ACOXL: variants seen among roughly 807,000 people sequenced by gnomAD.
ACOXL encodes acyl-coenzyme A oxidase-like protein.
A neutral mutation model predicts 71.9 loss-of-function variants in ACOXL; 70 were observed. The observed-to-expected ratio is 0.97, with a 90% CI of 0.80 to 1.19. ACOXL has a LOEUF of 1.19. Among genes scored for constraint, ACOXL ranks in the 50% most tolerant of loss-of-function variants. The pLI is 0.00. For missense variants in ACOXL, 703 were observed against 736.3 expected, an observed-to-expected ratio of 0.95 and a Z score of 0.52; for synonymous variants, 253 against 281.6, an observed-to-expected ratio of 0.90 and a Z score of 1.02.
In ACOXL at chr2:110,793,678, G is replaced by A. The variant is rs1684930514; in HGVS notation, c.188G>A (p.Gly63Asp). ...GGAATAATTTATTGGCTATTTGGTGGTGCTATCAGGAATCTCGGAAGCCCT... is the reference window on the plus strand; with the variant it reads ...GGAATAATTTATTGGCTATTTGGTGATGCTATCAGGAATCTCGGAAGCCCT... ...KCGIIYWLFG[G>D]AIRNLGSPEH... The change falls in exon 4 of 18, where the codon GGT (glycine) becomes GAT (aspartate). Residue 63 changes from glycine (G) to aspartate (D), a missense_variant. By Grantham distance (94) the Gly-to-Asp change is moderately conservative. Coordinates refer to ENST00000439055, the MANE Select transcript of ACOXL (RefSeq NM_001142807.4). 2 of 1,614,136 alleles carry A rather than the reference G, an allele frequency of 1.2e-6. No individual in the cohort carries two copies. Among genetic ancestry groups the A allele is most frequent in the Middle Eastern group, 1.6e-4 (1 of 6,062 alleles).
intron 11 of ACOXL, among the ~76,000 whole-genome samples, chr2:110,915,408 AT>A: frequency 1.6e-5 from 1 of 61,380 alleles, no homozygotes; most frequent in Non-Finnish European, 3.9e-5. Flanking sequence ...GTGTATATAC[AT>A]ATATATATAT....
In ACOXL at chr2:110,768,586, GGTTT is replaced by G. The variant is rs570212135; in HGVS notation, c.75+126_75+129del. 42 of 856,596 alleles carry G rather than the reference GGTTT, an allele frequency of 4.9e-5. No individual in the cohort carries two copies. In the East Asian group the frequency reaches 9.1e-4, roughly 19 times the overall value. 53.1% of individuals were successfully genotyped at this position (856,596 alleles called of 1,614,324 possible). ...TTTATGTTTAGAGGGTATATGTGCA[GGTTT>G]GTTACATGGGTAAATTGCGTGTTAT... is the stretch of plus-strand genomic sequence containing the variant. On this transcript the variant is annotated intron_variant, in intron 2 of 17. Coordinates refer to ENST00000439055, the MANE Select transcript of ACOXL (RefSeq NM_001142807.4).
rs538154572 is a variant in ACOXL at position 110,989,100 on chromosome 2, A to G, written c.1169+1883A>G. ...CATCTATTCTGAGGTCATGAAATCT[A>G]TATCTTTAAAACTTTGAAAGTCTCA... On this transcript the variant is annotated intron_variant, in intron 13 of 17. Transcript: ENST00000439055. Among the ~76,000 whole-genome samples the G allele has an allele frequency of 2.0e-3, 307 of 152,280 alleles. 2 individuals carry two copies. Among genetic ancestry groups the G allele is most frequent in the African/African-American group, 7.1e-3 (297 of 41,570 alleles).
At chr2:110,926,124 A>G (rs1456988574) in intron 11 of ACOXL, among the ~76,000 whole-genome samples, 2 of 152,148 alleles carry the variant, frequency 1.3e-5, no homozygotes, top group East Asian at 3.8e-4. Context: ...TTACAATAGT[A>G]ACATCAAAGA....
Position 110,794,106 on chromosome 2 carries a change from A to G in ACOXL, c.277A>G (p.Thr93Ala), listed in dbSNP as rs1264663001. The G allele has an allele frequency of 6.2e-7, 1 of 1,614,038 alleles. No homozygotes were observed. Among genetic ancestry groups the G allele is most frequent in the African/African-American group, 1.3e-5 (1 of 74,914 alleles). ...EQKYTGMFAM[T>A]ERGHGSNARG... is the part of the protein sequence containing the mutation. The stretch of plus-strand genomic sequence containing the variant: ...GAAATACACTGGGATGTTTGCAATG[A>G]CCGAGAGGGGCCATGGGAGCAACGC... Residue 93 changes from threonine (T) to alanine (A), a missense_variant, in exon 5 of 18, where the codon ACC (threonine) becomes GCC (alanine). Physicochemically the swap from Thr to Ala is moderately conservative, Grantham distance 58 (BLOSUM62 0). Coordinates refer to ENST00000439055, the MANE Select transcript of ACOXL (RefSeq NM_001142807.4).
intron 16 of ACOXL, among the ~76,000 whole-genome samples, chr2:111,059,148 A>G (rs2066686475): frequency 6.6e-6 from 1 of 152,216 alleles, no homozygotes; most frequent in African/African-American, 2.4e-5. Flanking sequence ...GAGGCTGGGG[A>G]ATCACCTGAA....
intron 9 of ACOXL, among the ~76,000 whole-genome samples, chr2:110,840,594 C>G (rs1388949478): frequency 6.6e-6 from 1 of 152,198 alleles, no homozygotes; most frequent in African/African-American, 2.4e-5. Context: ...ACTGGCTGGC[C>G]TGACCCTTGT....
intron 9 of ACOXL, among the ~76,000 whole-genome samples, chr2:110,814,199 T>A (rs563519831): frequency 6.6e-6 from 1 of 152,354 alleles, no homozygotes; most frequent in South Asian, 2.1e-4. Flanking sequence ...AGTTAGTGGC[T>A]GGGCCAGAAT....
intron 9 of ACOXL, among the ~76,000 whole-genome samples, chr2:110,807,930 G>A (rs1225783358): frequency 1.3e-5 from 2 of 152,168 alleles, no homozygotes; most frequent in East Asian, 1.9e-4. Context: ...AAGGCTGAGC[G>A]TGCCCGGTCA....
At chr2:110,983,933 T>C (rs941840156) in intron 12 of ACOXL, among the ~76,000 whole-genome samples, 3 of 152,170 alleles carry the variant, frequency 2.0e-5, no homozygotes, top group Non-Finnish European at 4.4e-5. Context: ...CACTGCAACC[T>C]CCGTCTCCCG....
At chr2:110,954,352 A>G (rs142577260) in intron 12 of ACOXL, among the ~76,000 whole-genome samples, 1 of 152,312 alleles carries the variant, frequency 6.6e-6, no homozygotes, top group East Asian at 1.9e-4. Context: ...CATCACTGAT[A>G]TATTTGAATT....
intron 12 of ACOXL, among the ~76,000 whole-genome samples, chr2:110,946,613 A>G (rs573514675): frequency 6.6e-6 from 1 of 152,326 alleles, no homozygotes; most frequent in East Asian, 1.9e-4. Context: ...TGCTTCAGAA[A>G]ATAGTAGAGT....
chr2:111,082,227 A>G (rs1177385721), intron 16 of ACOXL, among the ~76,000 whole-genome samples: 3 of 152,174 alleles, frequency 2.0e-5, no homozygotes, highest in Non-Finnish European at 4.4e-5. Flanking sequence ...ATCAGAGTGA[A>G]CAGGCAACCT....
At chr2:110,945,567 C>G (rs1267687391) in intron 12 of ACOXL, among the ~76,000 whole-genome samples, 1 of 152,144 alleles carries the variant, frequency 6.6e-6, no homozygotes, top group African/African-American at 2.4e-5. Context: ...ATATGGCTAG[C>G]CAGTTATTTC....
intron 10 of ACOXL, among the ~76,000 whole-genome samples, chr2:110,866,675 T>C (rs1184696785): frequency 6.6e-6 from 1 of 152,050 alleles, no homozygotes; most frequent in Non-Finnish European, 1.5e-5. Context: ...TGAAAGTCTT[T>C]GAATGGAGGC....
intron 17 of ACOXL, among the ~76,000 whole-genome samples, chr2:111,104,236 G>GATATATATATTTT (rs2069376713): frequency 2.0e-5 from 3 of 152,128 alleles, no homozygotes; most frequent in African/African-American, 2.4e-5. Flanking sequence ...CACATTGAAG[G>GATATATATATTTT]ATATGTGGAT....
At chr2:110,789,961 A>AG (rs1684451171) in intron 3 of ACOXL, among the ~76,000 whole-genome samples, 1 of 152,264 alleles carries the variant, frequency 6.6e-6, no homozygotes, top group Admixed American at 6.5e-5. Flanking sequence ...GGGCACACTC[A>AG]GAACAACAGA....
At chr2:110,808,977 A>G (rs1686993219) in intron 9 of ACOXL, among the ~76,000 whole-genome samples, 1 of 152,186 alleles carries the variant, frequency 6.6e-6, no homozygotes, top group Non-Finnish European at 1.5e-5. Context: ...AGGAGTGGAA[A>G]GAGTGAATGA....
intron 2 of ACOXL, among the ~76,000 whole-genome samples, chr2:110,776,397 T>G (rs1682655711): frequency 6.6e-6 from 1 of 152,202 alleles, no homozygotes; most frequent in African/African-American, 2.4e-5. Flanking sequence ...ATTGTACACC[T>G]AAAAATAGTT....
Sources: allele counts gnomAD v4.1 joint callset (sites outside exome capture counted in the v4.1 genomes callset), GRCh38; gene constraint gnomAD v4.1.1; transcripts MANE v1.5; gene names NCBI Gene and HGNC (gene_info 2026-07-23, HGNC 2026-07-21).